The following SLC38A12 variants were observed in gnomAD, a reference collection of about 807,000 sequenced individuals.
SLC38A12 encodes putative sodium-coupled neutral amino acid transporter 12.
the SLC38A12 span, chr17:74,795,074 G>T: frequency 6.2e-7 from 1 of 1,614,110 alleles, no homozygotes; most frequent in Non-Finnish European, 8.5e-7. Flanking sequence ...CGCCATCTAT[G>T]CTGCTGCCGT....
the SLC38A12 span, chr17:74,819,947 G>C: frequency 9.4e-7 from 1 of 1,067,050 alleles, no homozygotes; most frequent in African/African-American, 1.6e-5. Context: ...CTGGAGTGTG[G>C]TGGTGGTTTC....
the SLC38A12 span, among the ~76,000 whole-genome samples, chr17:74,794,507 C>G: frequency 1.1e-4 from 17 of 152,310 alleles, no homozygotes; most frequent in Admixed American, 3.9e-4. Context: ...TTTGGAAATC[C>G]AGGGCTTTTT....
chr17:74,834,885 G>A, the SLC38A12 span, among the ~76,000 whole-genome samples: 3 of 152,240 alleles, frequency 2.0e-5, no homozygotes, highest in Non-Finnish European at 4.4e-5. Flanking sequence ...AGCTAACCAC[G>A]GTTCTGGGTA....
the SLC38A12 span, among the ~76,000 whole-genome samples, chr17:74,794,685 C>T: frequency 6.6e-6 from 1 of 152,068 alleles, no homozygotes; most frequent in Non-Finnish European, 1.5e-5. Flanking sequence ...GGACATCTCT[C>T]CTCCCTCCTC....
chr17:74,836,149 A>G, the SLC38A12 span: 1 of 1,613,582 alleles, frequency 6.2e-7, no homozygotes, highest in Admixed American at 1.7e-5. The surrounding 1 kb of genome is among the most constrained non-coding windows in gnomAD (Gnocchi z 4.2). Flanking sequence ...CTGGCCTTCT[A>G]CGGCCTCCTC....
the SLC38A12 span, chr17:74,835,960 G>A: frequency 2.8e-5 from 45 of 1,610,818 alleles, no homozygotes; most frequent in South Asian, 2.4e-4. Flanking sequence ...GCCCTGATCC[G>A]CATCGGGCAC....
chr17:74,835,931 C>T, the SLC38A12 span: 3 of 1,598,106 alleles, frequency 1.9e-6, no homozygotes, highest in East Asian at 2.2e-5. Flanking sequence ...TCCCAGCTTT[C>T]GCCGTCATGA....
At chr17:74,838,998 C>T in the SLC38A12 span, 2 of 1,535,766 alleles carry the variant, frequency 1.3e-6, no homozygotes, top group Non-Finnish European at 8.7e-7. Flanking sequence ...CTCTACCCAA[C>T]ATCTGCCACC....
At chr17:74,795,625 T>A in the SLC38A12 span, 13 of 1,613,500 alleles carry the variant, frequency 8.1e-6, no homozygotes, top group Non-Finnish European at 1.0e-5. Context: ...GCCTACCGCA[T>A]CTACTTGGTG....
chr17:74,799,327 G>A, the SLC38A12 span, among the ~76,000 whole-genome samples: 5 of 152,354 alleles, frequency 3.3e-5, no homozygotes, highest in East Asian at 3.9e-4. Context: ...ATGGCAGAGC[G>A]GAGCTTATCC....
At chr17:74,795,254 C>G in the SLC38A12 span, 4 of 727,320 alleles carry the variant, frequency 5.5e-6, no homozygotes, top group Admixed American at 9.1e-5. Context: ...CTTTTCTGCA[C>G]AGACCACAGC....
At chr17:74,789,414 CA>C in the SLC38A12 span, among the ~76,000 whole-genome samples, 1 of 151,886 alleles carries the variant, frequency 6.6e-6, no homozygotes, top group Non-Finnish European at 1.5e-5. Context: ...CCTGTAATCG[CA>C]GCTACTCAGG....
At chr17:74,801,417 TGTGAGCCCCTGA>T in the SLC38A12 span, among the ~76,000 whole-genome samples, 2 of 152,268 alleles carry the variant, frequency 1.3e-5, no homozygotes, top group African/African-American at 4.8e-5. Context: ...GGTGTGGGGT[TGTGAGCCCCTGA>T]GATGCATGTC....
At chr17:74,839,040 A>G in the SLC38A12 span, 1 of 1,535,720 alleles carries the variant, frequency 6.5e-7, no homozygotes. Flanking sequence ...GGTGCAGGCC[A>G]GGTCAAGGTG....
At chr17:74,813,227 G>GGA in the SLC38A12 span, among the ~76,000 whole-genome samples, 1 of 152,216 alleles carries the variant, frequency 6.6e-6, no homozygotes, top group African/African-American at 2.4e-5. Context: ...TGTCTCCATG[G>GGA]GACATTGCCC....
the SLC38A12 span, among the ~76,000 whole-genome samples, chr17:74,809,253 G>A: frequency 1.3e-5 from 2 of 152,180 alleles, no homozygotes; most frequent in Non-Finnish European, 2.9e-5. Context: ...GTTTGAGGAA[G>A]GGACCTGGGG....
the SLC38A12 span, among the ~76,000 whole-genome samples, chr17:74,811,155 C>A: frequency 0.01 from 1,554 of 151,600 alleles, 27 homozygotes; most frequent in African/African-American, 0.035. Flanking sequence ...TATGGTAAGA[C>A]CCTGTCTCTA....
chr17:74,800,083 C>A, the SLC38A12 span, among the ~76,000 whole-genome samples: 1 of 152,234 alleles, frequency 6.6e-6, no homozygotes, highest in Non-Finnish European at 1.5e-5. Context: ...AGCAGACAGA[C>A]AACAGCTCAG....
chr17:74,793,928 C>T, the SLC38A12 span, among the ~76,000 whole-genome samples: 1 of 152,194 alleles, frequency 6.6e-6, no homozygotes, highest in Non-Finnish European at 1.5e-5. Flanking sequence ...ATAACATGTC[C>T]TAGGCTTTCC....
Sources: gnomAD v4.1 joint callset for allele counts (sites outside exome capture counted in the v4.1 genomes callset) on GRCh38, gnomAD v4.1.1 for gene constraint, Gnocchi (gnomAD v3.1) non-coding constraint, MANE v1.5 for transcripts, NCBI Gene and HGNC (gene_info 2026-07-23, HGNC 2026-07-21) for gene names.